The following ACBD6 variants were observed in gnomAD, a reference collection of about 807,000 sequenced individuals.
ACBD6 encodes the protein acyl-CoA binding domain containing 6.
ACBD6 carries 28 observed loss-of-function variants against 37.2 expected under a neutral mutation model. The ratio of observed to expected loss-of-function variants is 0.75; its 90% CI spans 0.56 to 1.03. The LOEUF is 1.03. Ranked by LOEUF, ACBD6 falls within the 50% of genes least tolerant of loss-of-function variation. The pLI is 0.00. For synonymous variants in ACBD6, 113 were observed against 126.8 expected, an observed-to-expected ratio of 0.89 and a Z score of 0.73; for missense variants, 340 against 337.4, an observed-to-expected ratio of 1.01 and a Z score of -0.06.
chr1:180,385,062 G>T (rs1037457018), intron 6 of ACBD6, among the ~76,000 whole-genome samples: 9 of 152,096 alleles, frequency 5.9e-5, no homozygotes, highest in Admixed American at 4.6e-4. Flanking sequence ...CATACAGTTA[G>T]ATAGAAGGTA....
chr1:180,433,533 C>G (rs10737342), intron 3 of ACBD6, among the ~76,000 whole-genome samples: 125,834 of 152,050 alleles, frequency 0.83, 52,405 homozygotes, highest in Non-Finnish European at 0.88. Flanking sequence ...ATCCAAGCCA[C>G]AGCGATCAGA....
chr1:180,386,501 G>A (rs552261435), intron 6 of ACBD6, among the ~76,000 whole-genome samples: 1 of 152,160 alleles, frequency 6.6e-6, no homozygotes, highest in Non-Finnish European at 1.5e-5. Flanking sequence ...GTAACTCTTC[G>A]AATATTTCTT....
intron 3 of ACBD6, among the ~76,000 whole-genome samples, chr1:180,484,999 G>GGCGGGGGTTGCAGTGA (rs145658714): frequency 0.16 from 23,765 of 151,252 alleles, 1,938 homozygotes; most frequent in Middle Eastern, 0.22. Context: ...GAACCCGGAA[G>GGCGGGGGTTGCAGTGA]GCGGGGGTTG....
intron 6 of ACBD6, among the ~76,000 whole-genome samples, chr1:180,394,255 A>G (rs1176197870): frequency 6.6e-6 from 1 of 151,586 alleles, no homozygotes; most frequent in African/African-American, 2.4e-5. Flanking sequence ...CACTACATCT[A>G]ATTAAAAAAA....
At chr1:180,484,236 C>T (rs1447154869) in intron 3 of ACBD6, among the ~76,000 whole-genome samples, 20 of 151,926 alleles carry the variant, frequency 1.3e-4, no homozygotes, top group East Asian at 1.9e-4. Flanking sequence ...GACTGGGGTG[C>T]GGTTATTTTC....
In ACBD6 at chr1:180,394,319, G is replaced by GC. The variant is rs1654181233; in HGVS notation, c.663+3196dup. ...TGCCCAGGCTGGTCTCAAACTCCTG[G>GC]CCTCAAGTGATCCTCCTGACTCAGC... On this transcript the variant is annotated intron_variant, in intron 6 of 7. Transcript: ENST00000367595. Among the ~76,000 whole-genome samples the GC allele has an allele frequency of 3.3e-5, 5 of 151,788 alleles. No homozygotes were observed. In the South Asian group the frequency reaches 1.0e-3, roughly 32 times the overall value.
intron 3 of ACBD6, among the ~76,000 whole-genome samples, chr1:180,451,614 A>AAGTC (rs1401723880): frequency 6.6e-6 from 1 of 152,242 alleles, no homozygotes; most frequent in African/African-American, 2.4e-5. Flanking sequence ...CTAATAAAAA[A>AAGTC]AGTCAGTCAT....
chr1:180,441,649 A>T (rs1180934484), intron 3 of ACBD6, among the ~76,000 whole-genome samples: 2 of 152,116 alleles, frequency 1.3e-5, no homozygotes, highest in Admixed American at 1.3e-4. Flanking sequence ...TGTAAATGGA[A>T]TTTTTTTGTT....
chr1:180,286,333 G>A (rs927601570), downstream of ACBD6, among the ~76,000 whole-genome samples: 9 of 152,024 alleles, frequency 5.9e-5, no homozygotes, highest in African/African-American at 9.7e-5. Flanking sequence ...TTTTAGATGC[G>A]GCAAAACAGG....
downstream of ACBD6, among the ~76,000 whole-genome samples, chr1:180,284,437 C>T (rs1201633770): frequency 6.6e-6 from 1 of 151,346 alleles, no homozygotes; most frequent in African/African-American, 2.4e-5. Context: ...GATCTTGGCT[C>T]ACTGTGACCT....
chr1:180,415,125 A>G (rs1389005113), intron 4 of ACBD6, among the ~76,000 whole-genome samples: 1 of 151,990 alleles, frequency 6.6e-6, no homozygotes, highest in Non-Finnish European at 1.5e-5. Flanking sequence ...ACAAACAAAA[A>G]AAACCAAAAA....
At chr1:180,405,224 C>T (rs1647563797) in intron 5 of ACBD6, among the ~76,000 whole-genome samples, 1 of 152,162 alleles carries the variant, frequency 6.6e-6, no homozygotes, top group Non-Finnish European at 1.5e-5. Context: ...TTAGTACTGT[C>T]ACAGTTTCAC....
intron 3 of ACBD6, among the ~76,000 whole-genome samples, chr1:180,490,906 C>T (rs1474456394): frequency 6.7e-6 from 1 of 148,412 alleles, no homozygotes; most frequent in African/African-American, 2.5e-5. Flanking sequence ...TACGTTGAGC[C>T]AAGATCCTAC....
chr1:180,280,586 C>T (rs912322271), intron 9 of ACBD6, among the ~76,000 whole-genome samples: 6 of 148,578 alleles, frequency 4.0e-5, no homozygotes, highest in African/African-American at 1.0e-4. Flanking sequence ...TTAGTGGAGA[C>T]CCCCTCTGCT....
intron 6 of ACBD6, among the ~76,000 whole-genome samples, chr1:180,341,382 G>C (rs1245318643): frequency 6.6e-6 from 1 of 151,976 alleles, no homozygotes. Flanking sequence ...TCCCATTTTT[G>C]TTTTAAAATT....
At chr1:180,414,146 C>T (rs770639173) in intron 4 of ACBD6, among the ~76,000 whole-genome samples, 2 of 152,142 alleles carry the variant, frequency 1.3e-5, no homozygotes, top group Non-Finnish European at 2.9e-5. Context: ...ACAGAATTAT[C>T]TTTATAACGC....
rs904434230 is a variant in ACBD6 at position 180,323,865 on chromosome 1, C to CTTT, written c.664-9146_664-9144dup. ...TTTAATCCACTCAGTTACTCTATGT[C>CTTT]TTTTTTTTTTTTTTTTTTTTTTTTT... On this transcript the variant is annotated intron_variant, in intron 6 of 7. Transcript: ENST00000367595. Among the ~76,000 whole-genome samples, 12 of 5,096 alleles carry CTTT rather than the reference C, an allele frequency of 2.4e-3. 2 individuals are homozygous for CTTT. The highest frequency in any genetic ancestry group is 3.2e-3 in the African/African-American group (1 of 310). The allele number at this position is 5,096 out of a possible 152,430, so 3.3% of individuals were successfully genotyped here. A position where few individuals can be genotyped will look rare whatever the true frequency, so the allele number is the denominator to read the frequency against.
chr1:180,502,379 G>A lies in ACBD6; in HGVS notation c.-113C>T. ...TGGGTCGCGAGCCTGAGCTCCAGTC[G>A]GACCCAAGCTCAGTCGCGGCGCGCT... On this transcript the variant is annotated 5_prime_UTR_variant, in exon 1 of 8. Coordinates refer to ENST00000367595, the MANE Select transcript of ACBD6 (RefSeq NM_032360.4). The A allele has an allele frequency of 1.7e-6, 2 of 1,202,394 alleles. No homozygotes were observed. Among genetic ancestry groups the A allele is most frequent in the Non-Finnish European group, 2.4e-6 (2 of 830,818 alleles). 74.5% of individuals were successfully genotyped at this position (1,202,394 alleles called of 1,614,324 possible).
At chr1:180,363,969 G>A (rs1652943981) in intron 6 of ACBD6, among the ~76,000 whole-genome samples, 1 of 152,168 alleles carries the variant, frequency 6.6e-6, no homozygotes, top group South Asian at 2.1e-4. Context: ...AAATTAAAAA[G>A]TATGAACACA....
Sources: gnomAD v4.1 joint callset for allele counts (sites outside exome capture counted in the v4.1 genomes callset) on GRCh38, gnomAD v4.1.1 for gene constraint, MANE v1.5 for transcripts, NCBI Gene and HGNC (gene_info 2026-07-23, HGNC 2026-07-21) for gene names.